LINGO2: variants seen among roughly 807,000 people sequenced by gnomAD.
LINGO2 encodes leucine rich repeat and Ig domain containing 2.
In LINGO2, 14 loss-of-function variants were observed where a neutral mutation model predicts 30.6. That is an observed-to-expected ratio of 0.46 (90% CI 0.30 to 0.72). The LOEUF (loss-of-function observed/expected upper bound fraction) is 0.72, where lower values mean the gene tolerates loss of function less well. LINGO2 is among the 30% of genes least tolerant of loss of function. The pLI is 0.07. For missense variants in LINGO2, 729 were observed against 751.7 expected (o/e 0.97, Z 0.35); for synonymous variants, 317 against 288.5 (o/e 1.10, Z -1.00).
the LINGO2 span, among the ~76,000 whole-genome samples, chr9:29,117,168 C>T: frequency 2.0e-5 from 3 of 152,036 alleles, no homozygotes; most frequent in African/African-American, 7.3e-5. Context: ...GTAATTGTAA[C>T]ATAAATGATT....
intron 2 of LINGO2, among the ~76,000 whole-genome samples, chr9:28,407,413 T>C (rs1822559070): frequency 6.6e-6 from 1 of 152,160 alleles, no homozygotes; most frequent in Non-Finnish European, 1.5e-5. Flanking sequence ...AAGGTTATTA[T>C]TGCTCCTTAA....
At chr9:28,730,025 C>T in the LINGO2 span, among the ~76,000 whole-genome samples, 1 of 151,726 alleles carries the variant, frequency 6.6e-6, no homozygotes, top group Non-Finnish European at 1.5e-5. Flanking sequence ...TGTAGAGATA[C>T]AAAATCTAAA....
chr9:28,058,280 G>T (rs887066185), intron 4 of LINGO2, among the ~76,000 whole-genome samples: 1 of 152,098 alleles, frequency 6.6e-6, no homozygotes, highest in Non-Finnish European at 1.5e-5. Context: ...TATGCCAAAA[G>T]AAAACAGATA....
rs58629857 is a variant in LINGO2, at chr9:28,526,055, C to CAA, written c.-364-50032_-364-50031dup. ...TGGGTGACAGAGCGAGACTCCGTCT[C>CAA]AAAAAAAAAAAAAAAAAAAAAGCCA... On this transcript the variant is annotated intron_variant, in intron 1 of 5. Transcript: ENST00000379992. 2.2e-3 allele frequency among the ~76,000 whole-genome samples: 105 copies of CAA among 48,380 alleles called. 4 individuals are homozygous for CAA. The highest frequency in any genetic ancestry group is 0.019 in the Middle Eastern group (1 of 52). 31.7% of individuals were successfully genotyped at this position (48,380 alleles called of 152,430 possible). A position where few individuals can be genotyped will look rare whatever the true frequency, so the allele number is the denominator to read the frequency against.
the LINGO2 span, among the ~76,000 whole-genome samples, chr9:29,026,495 A>AT: frequency 6.6e-6 from 1 of 152,024 alleles, no homozygotes; most frequent in South Asian, 2.1e-4. Context: ...CATGTCTTTA[A>AT]TTTTTTACTC....
At chr9:28,823,918 T>A in the LINGO2 span, among the ~76,000 whole-genome samples, 1 of 152,136 alleles carries the variant, frequency 6.6e-6, no homozygotes, top group Non-Finnish European at 1.5e-5. Context: ...TGTATAGCCC[T>A]TAGTTATTAA....
At chr9:28,886,170 C>T in the LINGO2 span, among the ~76,000 whole-genome samples, 3 of 151,900 alleles carry the variant, frequency 2.0e-5, no homozygotes, top group South Asian at 2.1e-4. Context: ...TACTGACATG[C>T]CTTTACTCAA....
intron 2 of LINGO2, among the ~76,000 whole-genome samples, chr9:28,391,435 T>G (rs1396841264): frequency 6.6e-6 from 1 of 152,194 alleles, no homozygotes; most frequent in African/African-American, 2.4e-5. Flanking sequence ...GATTCAAAAC[T>G]TCAGTGCCTG....
intron 5 of LINGO2, among the ~76,000 whole-genome samples, chr9:27,989,665 C>T (rs939109524): frequency 6.6e-6 from 1 of 151,916 alleles, no homozygotes; most frequent in African/African-American, 2.4e-5. Context: ...GACCTATGTC[C>T]AGAACAAAAG....
intron 2 of LINGO2, among the ~76,000 whole-genome samples, chr9:28,426,243 A>T (rs1587655718): frequency 6.6e-6 from 1 of 152,200 alleles, no homozygotes; most frequent in East Asian, 1.9e-4. Context: ...TCCCCCTCCA[A>T]AATAAAATAT....
At chr9:28,011,352 C>T (rs1269166276) in intron 5 of LINGO2, among the ~76,000 whole-genome samples, 1 of 152,120 alleles carries the variant, frequency 6.6e-6, no homozygotes, top group African/African-American at 2.4e-5. Flanking sequence ...GAAAAGGAAT[C>T]AAATACTGTG....
At chr9:28,204,268 T>C (rs1229699101) in intron 4 of LINGO2, among the ~76,000 whole-genome samples, 1 of 152,058 alleles carries the variant, frequency 6.6e-6, no homozygotes, top group Non-Finnish European at 1.5e-5. Context: ...ACACAAACAC[T>C]ATCTTATTTT....
the LINGO2 span, among the ~76,000 whole-genome samples, chr9:29,155,955 A>G: frequency 1.3e-5 from 2 of 152,126 alleles, no homozygotes; most frequent in South Asian, 2.1e-4. Context: ...TGAAAAAAGC[A>G]GAAGCAACTG....
chr9:28,054,461 C>T (rs1402249938), intron 4 of LINGO2, among the ~76,000 whole-genome samples: 1 of 152,092 alleles, frequency 6.6e-6, no homozygotes, highest in African/African-American at 2.4e-5. Context: ...CATATATACA[C>T]ACAATTTTAT....
intron 5 of LINGO2, among the ~76,000 whole-genome samples, chr9:27,956,727 A>G (rs1819588918): frequency 6.6e-6 from 1 of 152,158 alleles, no homozygotes; most frequent in South Asian, 2.1e-4. Flanking sequence ...TGTGTGTGGT[A>G]TGAAGTAGGG....
At chr9:28,250,336 G>A (rs1822151999) in intron 4 of LINGO2, among the ~76,000 whole-genome samples, 1 of 152,164 alleles carries the variant, frequency 6.6e-6, no homozygotes, top group Non-Finnish European at 1.5e-5. Flanking sequence ...AACATACGAA[G>A]TCTTTCAAAG....
chr9:28,598,447 AC>A lies in LINGO2; in HGVS notation c.-365+71752del, dbSNP rs1298245332. Among the ~76,000 whole-genome samples the A allele has an allele frequency of 4.7e-5, 7 of 148,310 alleles. No individual in the cohort carries two copies. The South Asian group carries it at 1.3e-3, about 27-fold the overall frequency. On this transcript the variant is annotated intron_variant, in intron 1 of 5. Coordinates refer to ENST00000379992, the Ensembl canonical transcript of LINGO2. Reference sequence around the variant, plus strand: ...AAAAAAAAAAAAACAAAACAAACAAACAAACAAAAAAAACGCCAAATAATGA... The same window carrying A: ...AAAAAAAAAAAAACAAAACAAACAAAAAACAAAAAAAACGCCAAATAATGA...
At chr9:29,070,074 T>TAC in the LINGO2 span, among the ~76,000 whole-genome samples, 46 of 141,738 alleles carry the variant, frequency 3.2e-4, no homozygotes, top group South Asian at 9.3e-3. Context: ...TATATATATA[T>TAC]ACACACACAC....
chr9:28,161,504 A>C (rs1587113413), intron 4 of LINGO2, among the ~76,000 whole-genome samples: 1 of 152,314 alleles, frequency 6.6e-6, no homozygotes, highest in African/African-American at 2.4e-5. Context: ...ATTTAGTATA[A>C]GTGTAAGCTA....
Sources: gnomAD v4.1 joint callset for allele counts (sites outside exome capture counted in the v4.1 genomes callset) on GRCh38, gnomAD v4.1.1 for gene constraint, MANE v1.5 for transcripts, NCBI Gene and HGNC (gene_info 2026-07-23, HGNC 2026-07-21) for gene names.